The following PIP5K1A variants were observed in gnomAD, a reference collection of about 807,000 sequenced individuals.
PIP5K1A encodes phosphatidylinositol-4-phosphate 5-kinase type 1 alpha.
In PIP5K1A, 46 loss-of-function variants were observed where a neutral mutation model predicts 72.9. The observed-to-expected ratio is 0.63, with a 90% CI of 0.50 to 0.81. PIP5K1A has a LOEUF of 0.81. Ranked by LOEUF, PIP5K1A falls within the 30% of genes least tolerant of loss-of-function variation. The probability of loss-of-function intolerance (pLI) is 0.00; values close to 1 mark genes in which losing one functional copy is unlikely to be tolerated. For missense variants in PIP5K1A, 458 were observed against 706.1 expected (o/e 0.65, Z 3.98); for synonymous variants, 228 against 255.1 (o/e 0.89, Z 1.01).
At chr1:151,215,849 C>A in intron 1 of PIP5K1A, 1 of 490,106 alleles carries the variant, frequency 2.0e-6, no homozygotes. Flanking sequence ...GGAATCTGAC[C>A]AGGTCCAGTT....
At chr1:151,207,605 C>T (rs963954046) in intron 1 of PIP5K1A, among the ~76,000 whole-genome samples, 1 of 150,028 alleles carries the variant, frequency 6.7e-6, no homozygotes, top group East Asian at 2.0e-4. Context: ...GATCTCGGCT[C>T]ACTGTGACCT....
In PIP5K1A at chr1:151,241,883, G is replaced by A. The variant is rs183209313; in HGVS notation, c.1364-240G>A. On this transcript the variant is annotated intron_variant, in intron 12 of 15. Transcript: ENST00000368888. ...AGCAGTCATCAAGGCTCCATGTTGG[G>A]GGGTTAGGTGTGGATATGTTTCCTT... 8.9e-3 allele frequency among the ~76,000 whole-genome samples: 1,360 copies of A among 152,226 alleles called. 11 individuals carry two copies. The highest frequency in any genetic ancestry group is 0.017 in the African/African-American group (714 of 41,550).
At chr1:151,231,282 T>C (rs1382520353) in intron 4 of PIP5K1A, among the ~76,000 whole-genome samples, 1 of 151,768 alleles carries the variant, frequency 6.6e-6, no homozygotes, top group East Asian at 1.9e-4. Context: ...AGGAAATGTT[T>C]AGAGGGCTCC....
intron 10 of PIP5K1A, 63 bp from the exon 11 acceptor site, chr1:151,239,067 T>A (rs1430534109): frequency 1.6e-6 from 2 of 1,217,500 alleles, no homozygotes; most frequent in African/African-American, 1.5e-5. Flanking sequence ...CCCTAAAATA[T>A]AAAGTTATTA....
intron 14 of PIP5K1A, among the ~76,000 whole-genome samples, chr1:151,244,797 T>C (rs1206372400): frequency 3.3e-5 from 5 of 152,206 alleles, no homozygotes; most frequent in East Asian, 1.9e-4. Flanking sequence ...CCCACAGATA[T>C]TGAGGGATGA....
chr1:151,223,726 G>A, intron 1 of PIP5K1A, among the ~76,000 whole-genome samples: 1 of 151,560 alleles, frequency 6.6e-6, no homozygotes, highest in South Asian at 2.1e-4. Context: ...GGTGGCTCTT[G>A]CTTGTAATCC....
intron 4 of PIP5K1A, among the ~76,000 whole-genome samples, chr1:151,229,167 CAAAAAA>C (rs34356281): frequency 2.7e-4 from 11 of 41,362 alleles, no homozygotes; most frequent in Admixed American, 1.8e-3. Flanking sequence ...GACCCCGTCT[CAAAAAA>C]AAAAAAAAAA....
chr1:151,225,762 G>A (rs1428309466), intron 3 of PIP5K1A, among the ~76,000 whole-genome samples: 6 of 151,382 alleles, frequency 4.0e-5, no homozygotes, highest in Non-Finnish European at 7.4e-5. Flanking sequence ...GAGCCACTGC[G>A]CCTGGCCTCT....
At position 151,245,076 on chromosome 1, in the gene PIP5K1A, A is replaced by G. The variant is rs963248504; in HGVS notation, c.1641-1844A>G. On this transcript the variant is annotated intron_variant, in intron 14 of 15. Transcript: ENST00000368888. ...AATTTTAGCATCGTTTGCTCTCTGG[A>G]GAGGCTTAGAATTTTCAAAACTTAT... Among the ~76,000 whole-genome samples the G allele has an allele frequency of 2.8e-4, 42 of 151,644 alleles. 2 individuals are homozygous for G. The highest frequency in any genetic ancestry group is 8.8e-5 in the Non-Finnish European group (6 of 67,962).
In PIP5K1A at chr1:151,247,499, C is replaced by CG. The variant is rs1459260535; in HGVS notation, c.1687-364_1687-363insG. 9.9e-5 allele frequency among the ~76,000 whole-genome samples: 15 copies of CG among 152,090 alleles called. 1 individual carries two copies. Among genetic ancestry groups the CG allele is most frequent in the African/African-American group, 3.6e-4 (15 of 41,422 alleles). Reference sequence around the variant, plus strand: ...GGAGTGCAGTGGCGCGATCTCGGCTCACTGCAAGCTACGCCTCCCAGGTTC... The same window carrying CG: ...GGAGTGCAGTGGCGCGATCTCGGCTCGACTGCAAGCTACGCCTCCCAGGTTC... On this transcript the variant is annotated intron_variant, in intron 15 of 15. Transcript: ENST00000368888.
chr1:151,231,586 T>G (rs1328977723), intron 4 of PIP5K1A, 85 bp from the exon 5 acceptor site: 1 of 1,193,068 alleles, frequency 8.4e-7, no homozygotes, highest in Non-Finnish European at 1.2e-6. Context: ...TTTAAAGTGT[T>G]CCTTCTAGCT....
At chr1:151,237,344 A>G (rs776825904) in intron 9 of PIP5K1A, among the ~76,000 whole-genome samples, 2 of 152,254 alleles carry the variant, frequency 1.3e-5, no homozygotes, top group Admixed American at 1.3e-4. Context: ...ATAGTCTTAA[A>G]TGCATGTCTG....
chr1:151,209,321 T>A (rs1686437945), intron 1 of PIP5K1A, among the ~76,000 whole-genome samples: 1 of 152,118 alleles, frequency 6.6e-6, no homozygotes, highest in East Asian at 1.9e-4. Context: ...TCGCCCAGGC[T>A]GGAGTGCAGT....
chr1:151,221,047 T>G (rs1688334762), intron 1 of PIP5K1A, among the ~76,000 whole-genome samples: 1 of 152,228 alleles, frequency 6.6e-6, no homozygotes, highest in African/African-American at 2.4e-5. Context: ...ATGGTTTCTT[T>G]TTTTCTAATC....
Position 151,219,910 on chromosome 1 carries a change from C to T in PIP5K1A, c.86-4335C>T, listed in dbSNP as rs144626410. Among the ~76,000 whole-genome samples, 616 of 132,708 alleles carry T rather than the reference C, an allele frequency of 4.6e-3. 6 individuals are homozygous for T. The highest frequency in any genetic ancestry group is 0.017 in the African/African-American group (581 of 34,892). 87.1% of individuals were successfully genotyped at this position (132,708 alleles called of 152,430 possible). A position where few individuals can be genotyped will look rare whatever the true frequency, so the allele number is the denominator to read the frequency against. ...CTCCCTATGTTGCTCGAGCTGGTCT[C>T]GAACTCCTGGGCTCAATTAATCTTC... On this transcript the variant is annotated intron_variant, in intron 1 of 15. Transcript: ENST00000368888.
chr1:151,196,163 C>G (rs2101742537), upstream of PIP5K1A, among the ~76,000 whole-genome samples: 1 of 152,210 alleles, frequency 6.6e-6, no homozygotes, highest in East Asian at 1.9e-4. Context: ...TCCCAAAGTG[C>G]TGGGATTACA....
At chr1:151,238,465 C>T in intron 10 of PIP5K1A, 200 bp downstream of exon 10, 1 of 548,434 alleles carries the variant, frequency 1.8e-6, no homozygotes, top group South Asian at 2.0e-5. Flanking sequence ...CCTTCCTCCC[C>T]CATCTCCCCA....
chr1:151,243,577 A>G (rs1571017860), intron 14 of PIP5K1A, among the ~76,000 whole-genome samples: 1 of 152,236 alleles, frequency 6.6e-6, no homozygotes, highest in African/African-American at 2.4e-5. Flanking sequence ...GCCTCAAAGC[A>G]GAAGAATAAT....
At chr1:151,216,900 GTTTTTTTTTTT>G (rs78155966) in intron 1 of PIP5K1A, among the ~76,000 whole-genome samples, 16 of 136,790 alleles carry the variant, frequency 1.2e-4, no homozygotes, top group African/African-American at 4.1e-4. Context: ...CTTAGTAAAT[GTTTTTTTTTTT>G]TTTTTTTTTT....
Sources: allele counts gnomAD v4.1 joint callset (sites outside exome capture counted in the v4.1 genomes callset), GRCh38; gene constraint gnomAD v4.1.1; transcripts MANE v1.5; gene names NCBI Gene and HGNC (gene_info 2026-07-23, HGNC 2026-07-21).